The following DSCAM variants were observed in gnomAD, a reference collection of about 807,000 sequenced individuals.
The protein encoded by DSCAM is cell adhesion molecule DSCAM.
A neutral mutation model predicts 217.7 loss-of-function variants in DSCAM; 47 were observed. That is an observed-to-expected ratio of 0.22 (90% CI 0.17 to 0.28). The LOEUF (loss-of-function observed/expected upper bound fraction) is 0.28, where lower values mean the gene tolerates loss of function less well. Among genes scored for constraint, DSCAM ranks in the 10% least tolerant of loss-of-function variants. The pLI is 1.00. For missense variants in DSCAM, 2,080 were observed against 2,618.3 expected (o/e 0.79, Z 4.49); for synonymous variants, 1,056 against 1,015.3 (o/e 1.04, Z -0.76).
intron 3 of DSCAM, among the ~76,000 whole-genome samples, chr21:40,596,787 G>A (rs2077024698): frequency 6.6e-6 from 1 of 151,994 alleles, no homozygotes; most frequent in Non-Finnish European, 1.5e-5. Flanking sequence ...TCTACGACCT[G>A]ACCACATTAC....
intron 11 of DSCAM, among the ~76,000 whole-genome samples, chr21:40,209,665 T>C (rs2091163311): frequency 6.6e-6 from 1 of 152,168 alleles, no homozygotes; most frequent in Non-Finnish European, 1.5e-5. Flanking sequence ...CTTGGATGGA[T>C]TCCAGGTCCC....
In DSCAM at chr21:40,144,438, CG is replaced by C; in HGVS notation, c.3259+52del. ...GGTTGGGGGAGCCCCGGGGCAGACC[CG>C]AGGGAACCTTTGCGGAGGGAAAAGC... On this transcript the variant is annotated intron_variant, in intron 17 of 32. Transcript: ENST00000400454. The surrounding 1 kb of genome is among the most constrained non-coding windows in gnomAD (Gnocchi z 4.8). The C allele has an allele frequency of 6.2e-7, 1 of 1,604,182 alleles. No homozygotes were observed. Among genetic ancestry groups the C allele is most frequent in the East Asian group, 2.2e-5 (1 of 44,664 alleles).
chr21:40,318,355 G>A (rs1751804879), intron 8 of DSCAM, among the ~76,000 whole-genome samples: 1 of 150,180 alleles, frequency 6.7e-6, no homozygotes, highest in Non-Finnish European at 1.5e-5. Context: ...AAAAAAGAAT[G>A]ACTTAGAAAA....
intron 3 of DSCAM, among the ~76,000 whole-genome samples, chr21:40,524,946 G>T (rs1267390760): frequency 6.9e-6 from 1 of 144,970 alleles, no homozygotes; most frequent in Non-Finnish European, 1.5e-5. Flanking sequence ...GGAGGTGGAG[G>T]TTGCAGTGAG....
chr21:40,107,317 AT>A (rs1436885164), intron 20 of DSCAM, among the ~76,000 whole-genome samples: 1 of 152,122 alleles, frequency 6.6e-6, no homozygotes, highest in Non-Finnish European at 1.5e-5. Flanking sequence ...TTTGAATATG[AT>A]TGTGCTGTGG....
intron 4 of DSCAM, among the ~76,000 whole-genome samples, chr21:40,366,605 T>G (rs1344678804): frequency 6.6e-6 from 1 of 152,174 alleles, no homozygotes; most frequent in African/African-American, 2.4e-5. Context: ...AATCAAAACT[T>G]TTTTAAAAAT....
At chr21:40,039,332 A>T (rs1209123717) in intron 32 of DSCAM, among the ~76,000 whole-genome samples, 1 of 152,136 alleles carries the variant, frequency 6.6e-6, no homozygotes, top group Admixed American at 6.6e-5. Context: ...AATGGAAAAT[A>T]AGTCACTTTG....
At position 40,189,090 on chromosome 21, in the gene DSCAM, A is replaced by G. The variant is rs2090927192; in HGVS notation, c.2505T>C (p.Tyr835=). The change falls in exon 12 of 33, where the codon TAT becomes TAC. Residue 835 remains tyrosine, a synonymous_variant. Coordinates refer to ENST00000400454, the MANE Select transcript of DSCAM (RefSeq NM_001389.5). Reference sequence around the variant, plus strand: ...CTCCCACCTCCTTGGTGGACACAAGATAACGGGCCATCTCAGGGTTAATGA... The same window carrying G: ...CTCCCACCTCCTTGGTGGACACAAGGTAACGGGCCATCTCAGGGTTAATGA... ...DRIINPEMAR[Y]LVSTKEVGEE... 3 of 1,614,052 alleles carry G rather than the reference A, an allele frequency of 1.9e-6. No homozygotes were observed. The highest frequency in any genetic ancestry group is 1.7e-5 in the Admixed American group (1 of 60,006).
intron 3 of DSCAM, among the ~76,000 whole-genome samples, chr21:40,666,848 A>T (rs2090207627): frequency 6.6e-6 from 1 of 152,256 alleles, no homozygotes; most frequent in Non-Finnish European, 1.5e-5. Context: ...GCAAGGCACA[A>T]GAGTTCCAAA....
intron 11 of DSCAM, among the ~76,000 whole-genome samples, chr21:40,190,797 A>T (rs2090945516): frequency 6.6e-6 from 1 of 152,210 alleles, no homozygotes; most frequent in Non-Finnish European, 1.5e-5. Flanking sequence ...GAAACTAAAG[A>T]ACACATGAGA....
chr21:40,130,529 C>T (rs2090144139), intron 19 of DSCAM, among the ~76,000 whole-genome samples: 1 of 152,136 alleles, frequency 6.6e-6, no homozygotes, highest in Non-Finnish European at 1.5e-5. Flanking sequence ...GAGAATATGT[C>T]CATGTACCTG....
Position 40,337,359 on chromosome 21 carries a change from T to C in DSCAM, c.1783+742A>G, listed in dbSNP as rs148306771. Among the ~76,000 whole-genome samples the C allele has an allele frequency of 6.4e-3, 972 of 152,336 alleles. 17 individuals carry two copies. The highest frequency in any genetic ancestry group is 0.022 in the African/African-American group (917 of 41,562). Reference sequence around the variant, plus strand: ...ATTCCTAGGACCCACCTCAGGTAGATTCCTTACATAATTAAAACAATTTTA... The same window carrying C: ...ATTCCTAGGACCCACCTCAGGTAGACTCCTTACATAATTAAAACAATTTTA... On this transcript the variant is annotated intron_variant, in intron 8 of 32. Transcript: ENST00000400454.
At chr21:40,091,694 TCA>T (rs953530628) in intron 21 of DSCAM, among the ~76,000 whole-genome samples, 6 of 152,148 alleles carry the variant, frequency 3.9e-5, no homozygotes, top group African/African-American at 1.4e-4. Context: ...TTTAATGGAC[TCA>T]CAGTGCCACA....
chr21:40,772,190 T>C (rs1445559556), intron 1 of DSCAM, among the ~76,000 whole-genome samples: 2 of 152,182 alleles, frequency 1.3e-5, no homozygotes, highest in East Asian at 1.9e-4. Flanking sequence ...CTTTTTGAGA[T>C]GGAGATTTGC....
Position 40,821,483 on chromosome 21 carries a change from C to T in DSCAM, c.43+25136G>A, listed in dbSNP as rs80229415. ...CTGCAGGACAGCACTGATCCATGTT[C>T]CCTAGGATTCTGTGGCAACAGCTTC... On this transcript the variant is annotated intron_variant, in intron 1 of 32. Coordinates refer to ENST00000400454, the MANE Select transcript of DSCAM (RefSeq NM_001389.5). Among the ~76,000 whole-genome samples, 60 of 152,180 alleles carry T rather than the reference C, an allele frequency of 3.9e-4. 1 individual carries two copies. Among genetic ancestry groups the T allele is most frequent in the Non-Finnish European group, 1.3e-4 (9 of 68,022 alleles).
At chr21:40,389,705 A>G (rs1308611574) in intron 3 of DSCAM, among the ~76,000 whole-genome samples, 1 of 152,192 alleles carries the variant, frequency 6.6e-6, no homozygotes, top group African/African-American at 2.4e-5. Context: ...ATAGCCTGTT[A>G]CCATCGCAGA....
intron 3 of DSCAM, among the ~76,000 whole-genome samples, chr21:40,459,236 A>C (rs1294283691): frequency 6.6e-6 from 1 of 152,188 alleles, no homozygotes; most frequent in Non-Finnish European, 1.5e-5. Context: ...GCAAGAAAAG[A>C]AGAACAAAAC....
chr21:40,736,811 G>T (rs7284050), intron 1 of DSCAM, among the ~76,000 whole-genome samples: 120,917 of 151,806 alleles, frequency 0.8, 48,447 homozygotes, highest in African/African-American at 0.87. Flanking sequence ...ATAGCATAGG[G>T]TTTTTTTTGC....
intron 3 of DSCAM, among the ~76,000 whole-genome samples, chr21:40,624,013 T>C (rs2089563397): frequency 1.3e-5 from 2 of 152,228 alleles, no homozygotes; most frequent in South Asian, 4.1e-4. Context: ...TCAGTCTTCA[T>C]ATGGCGATAA....
Sources: gnomAD v4.1 joint callset for allele counts (sites outside exome capture counted in the v4.1 genomes callset) on GRCh38, gnomAD v4.1.1 for gene constraint, Gnocchi (gnomAD v3.1) non-coding constraint, MANE v1.5 for transcripts, NCBI Gene and HGNC (gene_info 2026-07-23, HGNC 2026-07-21) for gene names.